ITPRID1: variants seen among roughly 807,000 people sequenced by gnomAD.
The protein encoded by ITPRID1 is protein ITPRID1.
ITPRID1 carries 96 observed loss-of-function variants against 95.4 expected under a neutral mutation model. The ratio of observed to expected loss-of-function variants is 1.01; its 90% CI spans 0.85 to 1.19. The LOEUF is 1.19. Ranked by LOEUF, ITPRID1 falls within the 50% of genes most tolerant of loss-of-function variation. ITPRID1 has a pLI of 0.00. For synonymous variants in ITPRID1, 510 were observed against 453.6 expected (o/e 1.12, Z -1.58); for missense variants, 1,339 against 1,252.9 (o/e 1.07, Z -1.04).
At position 31,578,328 on chromosome 7, in the gene ITPRID1, G is replaced by A. The variant is rs192536493; in HGVS notation, c.1064G>A (p.Gly355Glu). Residue 355 changes from glycine (G) to glutamate (E), a missense_variant, in exon 9 of 15, where the codon GGG becomes GAG. Coordinates refer to ENST00000615280, the MANE Select transcript of ITPRID1 (RefSeq NM_001257967.3). ...KQAPPSCVSE[G>E]SVKGRTQKEN... ...GCTCCTCCTTCCTGTGTGTCTGAGG[G>A]GTCAGTCAAGGGCAGAACTCAGAAG... is the stretch of plus-strand genomic sequence containing the variant. 84 of 1,613,812 alleles carry A rather than the reference G, an allele frequency of 5.2e-5. No individual in the cohort carries two copies. In the East Asian group the frequency reaches 1.8e-3, roughly 34 times the overall value.
chr7:31,612,561 A>G (rs2128165375), intron 10 of ITPRID1, among the ~76,000 whole-genome samples: 1 of 152,268 alleles, frequency 6.6e-6, no homozygotes, highest in South Asian at 2.1e-4. Flanking sequence ...TAAAACCTAT[A>G]TATTTTGTCA....
At chr7:31,587,684 C>G (rs1242762320) in intron 10 of ITPRID1, among the ~76,000 whole-genome samples, 1 of 151,558 alleles carries the variant, frequency 6.6e-6, no homozygotes, top group Non-Finnish European at 1.5e-5. Flanking sequence ...GTCACCAAGG[C>G]AATCCTAAGC....
At chr7:31,542,730 G>T (rs1486201151) in intron 1 of ITPRID1, among the ~76,000 whole-genome samples, 1 of 152,116 alleles carries the variant, frequency 6.6e-6, no homozygotes, top group Non-Finnish European at 1.5e-5. Flanking sequence ...TTACAGTTTT[G>T]TAGCCTCTAT....
downstream of ITPRID1, chr7:31,658,248 A>T: frequency 6.7e-7 from 1 of 1,485,526 alleles, no homozygotes; most frequent in South Asian, 1.3e-5. Flanking sequence ...GGTTTTGTTT[A>T]TTTAACACAT....
intron 1 of ITPRID1, among the ~76,000 whole-genome samples, chr7:31,520,044 A>C (rs1002434159): frequency 6.6e-6 from 1 of 151,848 alleles, no homozygotes; most frequent in African/African-American, 2.4e-5. Flanking sequence ...TGACTGTCAC[A>C]GTTTCTCAAA....
chr7:31,567,634 C>A (rs929588376), intron 5 of ITPRID1, among the ~76,000 whole-genome samples: 1 of 150,526 alleles, frequency 6.6e-6, no homozygotes, highest in Admixed American at 6.6e-5. Context: ...CAGGCTTGAG[C>A]GCAGTGGCGC....
intron 10 of ITPRID1, among the ~76,000 whole-genome samples, chr7:31,627,805 C>G (rs1788612390): frequency 6.6e-6 from 1 of 151,826 alleles, no homozygotes. Flanking sequence ...CAAAAACTTC[C>G]TTTTTATTAA....
At chr7:31,518,854 CA>C (rs996964810) in intron 1 of ITPRID1, among the ~76,000 whole-genome samples, 1 of 152,126 alleles carries the variant, frequency 6.6e-6, no homozygotes, top group African/African-American at 2.4e-5. Flanking sequence ...TCTTCTAAAC[CA>C]ATTCCCACAG....
intron 6 of ITPRID1, among the ~76,000 whole-genome samples, chr7:31,571,306 G>A (rs748148553): frequency 1.3e-5 from 2 of 152,240 alleles, no homozygotes; most frequent in East Asian, 1.9e-4. Context: ...GATTACAGGC[G>A]TGGCCACCAT....
intron 1 of ITPRID1, among the ~76,000 whole-genome samples, chr7:31,542,244 T>C (rs1186851321): frequency 1.3e-5 from 2 of 152,206 alleles, no homozygotes; most frequent in Non-Finnish European, 2.9e-5. Flanking sequence ...AAGGTCTGAC[T>C]GATTCTAGCA....
At chr7:31,651,550 C>G (rs1227540034) in intron 13 of ITPRID1, among the ~76,000 whole-genome samples, 7 of 152,018 alleles carry the variant, frequency 4.6e-5, no homozygotes, top group Non-Finnish European at 1.0e-4. Context: ...CGTGCAAATG[C>G]AAATGTGGGA....
At chr7:31,533,847 A>G (rs1783676670) in intron 1 of ITPRID1, among the ~76,000 whole-genome samples, 1 of 152,122 alleles carries the variant, frequency 6.6e-6, no homozygotes, top group South Asian at 2.1e-4. Context: ...AAATTTATTA[A>G]TATGTGTCTT....
chr7:31,650,640 A>G (rs1790864711), intron 12 of ITPRID1, among the ~76,000 whole-genome samples: 1 of 152,170 alleles, frequency 6.6e-6, no homozygotes, highest in South Asian at 2.1e-4. Flanking sequence ...TCCAACCTCC[A>G]GGACTGTGAC....
chr7:31,605,095 GC>G (rs1417812725), intron 10 of ITPRID1, among the ~76,000 whole-genome samples: 2 of 151,556 alleles, frequency 1.3e-5, no homozygotes, highest in Non-Finnish European at 2.9e-5. Flanking sequence ...CCGAAATCGT[GC>G]CACTGCACTC....
chr7:31,578,231 G>C lies in ITPRID1; in HGVS notation c.967G>C (p.Asp323His). 2 of 1,613,740 alleles carry C rather than the reference G, an allele frequency of 1.2e-6. No individual in the cohort carries two copies. The highest frequency in any genetic ancestry group is 1.7e-6 in the Non-Finnish European group (2 of 1,179,756). ...ACATCAGTCTCTCCAAGCCTGTGAT[G>C]ATTTGCTACCTTATCCTCCTCATGG... is the stretch of plus-strand genomic sequence containing the variant. ...VEHQSLQACD[D>H]LLPYPPHGLL... Residue 323 changes from aspartate (D) to histidine (H), a missense_variant, in exon 9 of 15, where the codon GAT becomes CAT. Coordinates refer to ENST00000615280, the MANE Select transcript of ITPRID1 (RefSeq NM_001257967.3).
chr7:31,572,712 A>G (rs1785034118), intron 7 of ITPRID1, among the ~76,000 whole-genome samples: 2 of 152,178 alleles, frequency 1.3e-5, no homozygotes, highest in Non-Finnish European at 2.9e-5. Context: ...TTTTTTAACA[A>G]AGTCAGTATA....
intron 1 of ITPRID1, chr7:31,529,597 G>T: frequency 1.8e-6 from 1 of 560,150 alleles, no homozygotes; most frequent in South Asian, 2.7e-5. Context: ...CCCTCAACTT[G>T]ACCATGGCTT....
chr7:31,532,259 CCA>C (rs1783622156), intron 1 of ITPRID1, among the ~76,000 whole-genome samples: 2 of 152,046 alleles, frequency 1.3e-5, no homozygotes, highest in Non-Finnish European at 2.9e-5. Context: ...CTGAATAATT[CCA>C]CATTGTTTAT....
chr7:31,548,073 A>G (rs1398765523), intron 1 of ITPRID1, among the ~76,000 whole-genome samples: 4 of 152,086 alleles, frequency 2.6e-5, no homozygotes, highest in Non-Finnish European at 4.4e-5. Context: ...GAGGACAAAA[A>G]TGGTGCCCAA....
Sources: gnomAD v4.1 joint callset for allele counts (sites outside exome capture counted in the v4.1 genomes callset) on GRCh38, gnomAD v4.1.1 for gene constraint, MANE v1.5 for transcripts, NCBI Gene and HGNC (gene_info 2026-07-23, HGNC 2026-07-21) for gene names.